Variants in XPNPEP1 observed in about 807,000 individuals in gnomAD.
XPNPEP1 encodes the protein xaa-Pro aminopeptidase 1.
XPNPEP1 carries 39 observed loss-of-function variants against 92.4 expected under a neutral mutation model. That is an observed-to-expected ratio of 0.42 (90% confidence interval 0.33 to 0.55). The LOEUF is 0.55. Among genes scored for constraint, XPNPEP1 ranks in the 20% least tolerant of loss-of-function variants. XPNPEP1 has a pLI of 0.08. For missense variants in XPNPEP1, 654 were observed against 856.1 expected (o/e 0.76, Z 2.95); for synonymous variants, 307 against 299.4 (o/e 1.03, Z -0.26).
At chr10:109,874,566 T>C (rs372728280) in intron 15 of XPNPEP1, among the ~76,000 whole-genome samples, 1 of 152,236 alleles carries the variant, frequency 6.6e-6, no homozygotes, top group Non-Finnish European at 1.5e-5. Context: ...AGGCCAGGCA[T>C]GGTTGCCACG....
intron 7 of XPNPEP1, 66 bp downstream of exon 7, chr10:109,887,983 G>C: frequency 6.3e-7 from 1 of 1,591,964 alleles, no homozygotes; most frequent in Non-Finnish European, 8.6e-7. Flanking sequence ...GACGAGGCTG[G>C]AGACAATAGC....
intron 1 of XPNPEP1, among the ~76,000 whole-genome samples, chr10:109,919,535 T>A (rs1395609490): frequency 6.6e-6 from 1 of 152,154 alleles, no homozygotes. Flanking sequence ...CTGATGAGAA[T>A]GTAAAATGGT....
chr10:109,901,768 C>T (rs1211413995), intron 3 of XPNPEP1, among the ~76,000 whole-genome samples: 1 of 152,230 alleles, frequency 6.6e-6, no homozygotes, highest in African/African-American at 2.4e-5. Flanking sequence ...GTACGTGAGT[C>T]CACCTTTTCA....
chr10:109,877,484 G>T, intron 14 of XPNPEP1: 1 of 279,650 alleles, frequency 3.6e-6, no homozygotes, highest in African/African-American at 2.2e-5. Context: ...AAAAAACTTA[G>T]TCATCAAGAT....
In XPNPEP1 at chr10:109,867,338, T is replaced by A. The variant is rs1847196301; in HGVS notation, c.1872+1276A>T. Among the ~76,000 whole-genome samples the A allele has an allele frequency of 6.6e-6, 1 of 152,216 alleles. No individual in the cohort carries two copies. The highest frequency in any genetic ancestry group is 1.9e-4 in the East Asian group (1 of 5,196). ...CCTGCTGAAGAGACACACCAGACATTGTGCTGATAGGCTGAGTTTCCTTTT... is the reference window on the plus strand; with the variant it reads ...CCTGCTGAAGAGACACACCAGACATAGTGCTGATAGGCTGAGTTTCCTTTT... On this transcript the variant is annotated intron_variant, in intron 20 of 20. Transcript: ENST00000502935. This position sits in a 1 kb window ranked among gnomAD's most constrained non-coding sequence, Gnocchi z 4.5.
chr10:109,918,282 T>C (rs1033924893), intron 1 of XPNPEP1, among the ~76,000 whole-genome samples: 3 of 151,750 alleles, frequency 2.0e-5, no homozygotes, highest in Non-Finnish European at 4.4e-5. Context: ...TGAGCCAGGT[T>C]TGGTGGTGCA....
chr10:109,904,075 C>T (rs1240462995), intron 3 of XPNPEP1, among the ~76,000 whole-genome samples: 3 of 151,314 alleles, frequency 2.0e-5, no homozygotes, highest in African/African-American at 7.3e-5. Context: ...GAACTCCTGA[C>T]CTCAGGTGAT....
chr10:109,923,113 C>T, intron 1 of XPNPEP1: 1 of 968,762 alleles, frequency 1.0e-6, no homozygotes, highest in Non-Finnish European at 1.2e-6. Context: ...GTGACGGCCG[C>T]CGCCCCCTCA....
chr10:109,890,585 TGTGTGTGTGAGAGAGAGA>T (rs1564769249), intron 5 of XPNPEP1, among the ~76,000 whole-genome samples: 5 of 91,992 alleles, frequency 5.4e-5, no homozygotes, highest in African/African-American at 2.3e-4. Flanking sequence ...TGTGTGTGTG[TGTGTGTGTGAGAGAGAGA>T]GAGAGAGAGA....
chr10:109,884,250 G>T (rs771366273), intron 8 of XPNPEP1, 102 bp from the exon 9 acceptor site: 33 of 1,135,392 alleles, frequency 2.9e-5, no homozygotes, highest in Non-Finnish European at 4.0e-5. Flanking sequence ...CAGCTGCTGC[G>T]CAAGGATTCA....
chr10:109,881,953 G>A (rs1328990750), intron 10 of XPNPEP1, among the ~76,000 whole-genome samples: 2 of 152,208 alleles, frequency 1.3e-5, no homozygotes, highest in Non-Finnish European at 2.9e-5. Context: ...TGGTGCGGCA[G>A]AAGGAGGGGG....
intron 3 of XPNPEP1, among the ~76,000 whole-genome samples, chr10:109,895,218 G>A (rs1037187868): frequency 1.3e-5 from 2 of 152,186 alleles, no homozygotes; most frequent in African/African-American, 2.4e-5. Flanking sequence ...CACAGGCTTG[G>A]GGCTCTTCCA....
At chr10:109,899,564 C>T (rs942197275) in intron 3 of XPNPEP1, among the ~76,000 whole-genome samples, 6 of 152,230 alleles carry the variant, frequency 3.9e-5, no homozygotes, top group Admixed American at 3.3e-4. Flanking sequence ...TCTAACACAA[C>T]AGATAAAATC....
intron 12 of XPNPEP1, among the ~76,000 whole-genome samples, chr10:109,879,043 C>T (rs987332973): frequency 1.1e-4 from 17 of 150,902 alleles, no homozygotes; most frequent in Admixed American, 4.6e-4. Context: ...GAGATCGAGA[C>T]CATCCTGGCT....
At chr10:109,915,953 G>A (rs1021910460) in intron 1 of XPNPEP1, among the ~76,000 whole-genome samples, 1 of 152,068 alleles carries the variant, frequency 6.6e-6, no homozygotes, top group Admixed American at 6.6e-5. Flanking sequence ...CCATAATCCA[G>A]GCCCTATTCT....
intron 3 of XPNPEP1, among the ~76,000 whole-genome samples, chr10:109,901,312 T>C (rs1251990904): frequency 6.7e-6 from 1 of 150,252 alleles, no homozygotes; most frequent in Non-Finnish European, 1.5e-5. Flanking sequence ...CTAATGTAAA[T>C]GATGAGTTAA....
intron 3 of XPNPEP1, among the ~76,000 whole-genome samples, chr10:109,900,389 T>G (rs1036465474): frequency 1.2e-4 from 19 of 152,168 alleles, no homozygotes; most frequent in African/African-American, 4.6e-4. Context: ...AAGCCAGCCC[T>G]TCCTTCTTGT....
rs756214586 is a variant in XPNPEP1 at position 109,871,791 on chromosome 10, C to T, written c.1522+1G>A. Reference sequence around the variant, plus strand: ...GCCATGTGACAGAATGCACCACCTACCTTTGGTTCCAGTCGGGAAAACGGC... The same window carrying T: ...GCCATGTGACAGAATGCACCACCTATCTTTGGTTCCAGTCGGGAAAACGGC... On this transcript the variant is annotated splice_donor_variant, in intron 17 of 20. Transcript: ENST00000502935. LOFTEE classifies it high-confidence loss of function. The T allele has an allele frequency of 6.2e-7, 1 of 1,614,084 alleles. No homozygotes were observed. Among genetic ancestry groups the T allele is most frequent in the East Asian group, 2.2e-5 (1 of 44,884 alleles).
intron 5 of XPNPEP1, among the ~76,000 whole-genome samples, chr10:109,890,591 TGTGAGAGAGA>T (rs1384794294): frequency 0.013 from 1,157 of 91,290 alleles, 4 homozygotes; most frequent in African/African-American, 0.028. Context: ...TGTGTGTGTG[TGTGAGAGAGA>T]GAGAGAGAGA....
Sources: gnomAD v4.1 joint callset for allele counts (sites outside exome capture counted in the v4.1 genomes callset) on GRCh38, gnomAD v4.1.1 for gene constraint, Gnocchi (gnomAD v3.1) non-coding constraint, MANE v1.5 for transcripts, NCBI Gene and HGNC (gene_info 2026-07-23, HGNC 2026-07-21) for gene names.